Variants in ANK1 observed in about 807,000 individuals in gnomAD.
The protein encoded by ANK1 is ankyrin 1, also known as ankyrin-1.
Under a neutral mutation model 210.4 loss-of-function variants are expected in ANK1, and 51 were observed. That is an observed-to-expected ratio of 0.24 (90% CI 0.19 to 0.31). ANK1 has a LOEUF of 0.31. Among genes scored for constraint, ANK1 ranks in the 10% least tolerant of loss-of-function variants. The pLI, the probability that ANK1 is intolerant of heterozygous loss-of-function variation, is 1.00. For synonymous variants in ANK1, 967 were observed against 1,025.9 expected, an observed-to-expected ratio of 0.94 and a Z score of 1.10; for missense variants, 2,051 against 2,504.4, an observed-to-expected ratio of 0.82 and a Z score of 3.86.
intron 37 of ANK1, among the ~76,000 whole-genome samples, chr8:41,676,894 TA>T (rs1814337587): frequency 6.6e-6 from 1 of 152,216 alleles, no homozygotes; most frequent in Non-Finnish European, 1.5e-5. Flanking sequence ...AATTGAGAAG[TA>T]TTTTCTCATT....
At chr8:41,894,908 C>T (rs1332982389) in intron 1 of ANK1, among the ~76,000 whole-genome samples, 1 of 152,118 alleles carries the variant, frequency 6.6e-6, no homozygotes, top group Non-Finnish European at 1.5e-5. Context: ...AAAAAGGCCC[C>T]TTTTCGGTCC....
At chr8:41,821,046 T>C (rs1261614988) in intron 1 of ANK1, among the ~76,000 whole-genome samples, 1 of 152,230 alleles carries the variant, frequency 6.6e-6, no homozygotes, top group African/African-American at 2.4e-5. Context: ...GATGCAAATT[T>C]CTTTAACAAA....
intron 1 of ANK1, among the ~76,000 whole-genome samples, chr8:41,823,495 T>A (rs1270880627): frequency 6.6e-6 from 1 of 152,124 alleles, no homozygotes; most frequent in Non-Finnish European, 1.5e-5. Context: ...TATCCACTAC[T>A]CAGCTCAAGA....
intron 1 of ANK1, among the ~76,000 whole-genome samples, chr8:41,877,735 G>T (rs185438235): frequency 6.6e-6 from 1 of 152,216 alleles, no homozygotes; most frequent in African/African-American, 2.4e-5. Context: ...CGAAGTGGTC[G>T]CTGGAGAGCA....
chr8:41,708,665 A>T, intron 17 of ANK1, 113 bp downstream of exon 17: 1 of 1,177,218 alleles, frequency 8.5e-7, no homozygotes, highest in Non-Finnish European at 1.3e-6. Flanking sequence ...TGTTCCAAGG[A>T]TTACACACAC....
chr8:41,894,479 T>C (rs1820052001), intron 1 of ANK1, among the ~76,000 whole-genome samples: 2 of 152,180 alleles, frequency 1.3e-5, no homozygotes, highest in South Asian at 4.1e-4. Context: ...TTCACATGTG[T>C]GTATTATACA....
intron 1 of ANK1, among the ~76,000 whole-genome samples, chr8:41,882,252 C>T (rs963632929): frequency 2.0e-5 from 3 of 152,096 alleles, no homozygotes; most frequent in Non-Finnish European, 4.4e-5. Flanking sequence ...CATGTAACAC[C>T]ACGGGACACC....
At chr8:41,890,583 C>T (rs931795798) in intron 1 of ANK1, among the ~76,000 whole-genome samples, 1 of 152,038 alleles carries the variant, frequency 6.6e-6, no homozygotes, top group Non-Finnish European at 1.5e-5. Context: ...GTGACACGCG[C>T]CTGTAGTCCC....
At position 41,698,292 on chromosome 8, in the gene ANK1, C is replaced by T. The variant is rs7841477; in HGVS notation, c.2559-171G>A. Among the ~76,000 whole-genome samples, 4,950 of 152,296 alleles carry T rather than the reference C, an allele frequency of 0.033. 268 individuals carry two copies. Among genetic ancestry groups the T allele is most frequent in the African/African-American group, 0.11 (4,578 of 41,542 alleles). On this transcript the variant is annotated intron_variant, in intron 23 of 42. Coordinates refer to ENST00000289734, the MANE Select transcript of ANK1 (RefSeq NM_000037.4). The stretch of plus-strand genomic sequence containing the variant: ...CTCCATGAAGTCCTCCCCAATGACT[C>T]CAACCTGCACTTGTCGCCCCTTTCT...
At chr8:41,791,154 C>A (rs1307373808) in intron 1 of ANK1, among the ~76,000 whole-genome samples, 1 of 150,474 alleles carries the variant, frequency 6.6e-6, no homozygotes, top group Non-Finnish European at 1.5e-5. Flanking sequence ...AGGGCTGGAC[C>A]TGTGCCAGCC....
In ANK1 at chr8:41,727,268, G is replaced by A. The variant is rs765634408; in HGVS notation, c.408C>T (p.Asn136=). The change falls in exon 5 of 43, where the codon AAC becomes AAT. Residue 136 remains asparagine (N), a synonymous_variant. Transcript: ENST00000289734. ...TACTTACTTCTGTGGCTACATTCTGGTTAGCTCCATTTTCCAGTAAAAACT... is the reference window on the plus strand; with the variant it reads ...TACTTACTTCTGTGGCTACATTCTGATTAGCTCCATTTTCCAGTAAAAACT... ...VVKFLLENGA[N]QNVATEDGFT... 5.6e-6 allele frequency: 9 copies of A among 1,613,956 alleles called. No individual in the cohort carries two copies. In the Admixed American group the frequency reaches 1.2e-4, roughly 21 times the overall value.
chr8:41,714,164 G>A lies in ANK1; in HGVS notation c.1792C>T (p.Pro598Ser), dbSNP rs757594330. 4 of 1,411,550 alleles carry A rather than the reference G, an allele frequency of 2.8e-6. No individual in the cohort carries two copies. The highest frequency in any genetic ancestry group is 3.8e-6 in the Non-Finnish European group (4 of 1,065,726). The allele number at this position is 1,411,550 out of a possible 1,614,324, so 87.4% of individuals were successfully genotyped here. A position where few individuals can be genotyped will look rare whatever the true frequency, so the allele number is the denominator to read the frequency against. ...LLPRGGSPHS[P>S]AWNGYTPLHI... Reference sequence around the variant, plus strand: ...AGAGGGGCGGGCCTTACCCAGGCAGGGCTGTGCGGGGAGCCGCCCCGGGGA... The same window carrying A: ...AGAGGGGCGGGCCTTACCCAGGCAGAGCTGTGCGGGGAGCCGCCCCGGGGA... The change falls in exon 16 of 43, where the codon CCT becomes TCT. Residue 598 changes from proline to serine, a missense_variant. Physicochemically the swap from Pro to Ser is moderately conservative, Grantham distance 74 (BLOSUM62 -1). This residue lies in a region of ANK1 where 1,413 missense variants were observed against 1,707.4 expected (regional missense o/e 0.83). Coordinates refer to ENST00000289734, the MANE Select transcript of ANK1 (RefSeq NM_000037.4).
Position 41,816,576 on chromosome 8 carries a change from T to C in ANK1, c.127-58439A>G, listed in dbSNP as rs1410515516. Among the ~76,000 whole-genome samples the C allele has an allele frequency of 2.0e-5, 3 of 152,218 alleles. No individual in the cohort carries two copies. The East Asian group carries it at 5.8e-4, about 29-fold the overall frequency. ...ACCTCAGCCTCCCAAGTAGCTGGGA[T>C]GCACCACCCCACCCAGCTAATTTTT... On this transcript the variant is annotated intron_variant, in intron 1 of 42. Transcript: ENST00000265709.
At chr8:41,886,404 G>C (rs1818448439) in intron 1 of ANK1, among the ~76,000 whole-genome samples, 1 of 152,178 alleles carries the variant, frequency 6.6e-6, no homozygotes, top group Admixed American at 6.5e-5. Flanking sequence ...GAGCACTATT[G>C]AGCAACTTGC....
At chr8:41,769,977 CT>C (rs59542968) in intron 1 of ANK1, among the ~76,000 whole-genome samples, 236 of 86,642 alleles carry the variant, frequency 2.7e-3, no homozygotes, top group Middle Eastern at 0.016. Context: ...TTTCTTTTTT[CT>C]TTTTTTTTTT....
chr8:41,847,436 T>C (rs1443633221), intron 1 of ANK1, among the ~76,000 whole-genome samples: 1 of 152,158 alleles, frequency 6.6e-6, no homozygotes. Context: ...GGGAAAACGG[T>C]CTTCACAGGG....
In ANK1 at chr8:41,763,889, C is replaced by CTTTTTTTTTTTTTTTTTTTTTTTTTTT; in HGVS notation, c.28-5753_28-5752insAAAAAAAAAAAAAAAAAAAAAAAAAAA. On this transcript the variant is annotated intron_variant, in intron 1 of 42. Coordinates refer to ENST00000289734, the MANE Select transcript of ANK1 (RefSeq NM_000037.4). ...TTCTTCTTTCTTTTTTTCTTTTTTT[C>CTTTTTTTTTTTTTTTTTTTTTTTTTTT]TTTTTTTTTTTTTTTTTTTTTTTTT... Among the ~76,000 whole-genome samples the CTTTTTTTTTTTTTTTTTTTTTTTTTTT allele has an allele frequency of 1.2e-3, 69 of 57,816 alleles. 1 individual carries two copies. Among genetic ancestry groups the CTTTTTTTTTTTTTTTTTTTTTTTTTTT allele is most frequent in the South Asian group, 2.0e-3 (2 of 1,002 alleles). The allele number at this position is 57,816 out of a possible 152,430, so 37.9% of individuals were successfully genotyped here.
At chr8:41,888,738 G>A (rs1818887363) in intron 1 of ANK1, among the ~76,000 whole-genome samples, 1 of 152,222 alleles carries the variant, frequency 6.6e-6, no homozygotes, top group Non-Finnish European at 1.5e-5. Context: ...CCTGTTAAGA[G>A]ACAGACTAGC....
intron 4 of ANK1, among the ~76,000 whole-genome samples, 155 bp from the exon 5 acceptor site, chr8:41,727,503 C>T (rs942078329): frequency 3.3e-5 from 5 of 152,148 alleles, no homozygotes; most frequent in African/African-American, 1.2e-4. Flanking sequence ...TGGTGACTGG[C>T]GTCCTGGGAT....
Sources: allele counts gnomAD v4.1 joint callset (sites outside exome capture counted in the v4.1 genomes callset), GRCh38; gene constraint gnomAD v4.1.1; regional missense constraint gnomAD v4.1.1; transcripts MANE v1.5; gene names NCBI Gene and HGNC (gene_info 2026-07-23, HGNC 2026-07-21).